The following CFAP44 variants were observed in gnomAD, a reference collection of about 807,000 sequenced individuals.
CFAP44 encodes the protein cilia- and flagella-associated protein 44.
Under a neutral mutation model 216.2 loss-of-function variants are expected in CFAP44, and 134 were observed. That is an observed-to-expected ratio of 0.62 (90% CI 0.54 to 0.72). CFAP44 has a LOEUF of 0.72. Ranked by LOEUF, CFAP44 falls within the 30% of genes least tolerant of loss-of-function variation. The probability of loss-of-function intolerance (pLI) is 0.00; values close to 1 mark genes in which losing one functional copy is unlikely to be tolerated. For missense variants in CFAP44, 2,035 were observed against 2,182.1 expected (o/e 0.93, Z 1.34); for synonymous variants, 700 against 727.6 (o/e 0.96, Z 0.61).
Position 113,363,025 on chromosome 3 carries a change from T to A in CFAP44, c.2934+120A>T, listed in dbSNP as rs889443170. Reference sequence around the variant, plus strand: ...CCCAAAATAAATGGCTATTGAAATTTTGAAAGAAACAAACAAAAAAGAAAG... The same window carrying A: ...CCCAAAATAAATGGCTATTGAAATTATGAAAGAAACAAACAAAAAAGAAAG... On this transcript the variant is annotated intron_variant, in intron 21 of 34. Coordinates refer to ENST00000393845, the MANE Select transcript of CFAP44 (RefSeq NM_001164496.2). 3.5e-5 allele frequency: 48 copies of A among 1,389,016 alleles called. No homozygotes were observed. The African/African-American group carries it at 6.8e-4, about 20-fold the overall frequency. 86.0% of individuals were successfully genotyped at this position (1,389,016 alleles called of 1,614,324 possible). A position where few individuals can be genotyped will look rare whatever the true frequency, so the allele number is the denominator to read the frequency against.
At chr3:113,412,980 A>T (rs1173883447) in intron 6 of CFAP44, among the ~76,000 whole-genome samples, 1 of 152,324 alleles carries the variant, frequency 6.6e-6, no homozygotes, top group East Asian at 1.9e-4. Context: ...ATTAATTTAC[A>T]TTCCCACCAA....
intron 33 of CFAP44, 89 bp from the exon 34 acceptor site, chr3:113,294,910 G>A: frequency 2.9e-6 from 4 of 1,384,470 alleles, no homozygotes; most frequent in Admixed American, 3.1e-5. Context: ...AAAATCATCA[G>A]GCAAATGGAG....
chr3:113,395,601 C>G, intron 15 of CFAP44, 149 bp downstream of exon 15: 2 of 597,958 alleles, frequency 3.3e-6, no homozygotes, highest in Non-Finnish European at 5.7e-6. Context: ...CCAGCAGCAG[C>G]CACCTGAGCT....
chr3:113,415,644 T>C (rs1181321851), intron 6 of CFAP44, among the ~76,000 whole-genome samples: 1 of 152,142 alleles, frequency 6.6e-6, no homozygotes, highest in Non-Finnish European at 1.5e-5. Flanking sequence ...CAGGAGCAGG[T>C]TGTTCAATTT....
intron 28 of CFAP44, among the ~76,000 whole-genome samples, chr3:113,321,930 G>A (rs760687134): frequency 1.3e-5 from 2 of 152,076 alleles, no homozygotes; most frequent in Non-Finnish European, 2.9e-5. Flanking sequence ...TCATTAAAAT[G>A]GCATATCCTC....
chr3:113,434,452 T>C (rs1935188009), intron 1 of CFAP44: 1 of 152,178 alleles, frequency 6.6e-6, no homozygotes, highest in Non-Finnish European at 1.5e-5. Flanking sequence ...CATAAAGTTG[T>C]CTCTAAGCTT....
chr3:113,397,884 C>T (rs954919311), intron 13 of CFAP44, among the ~76,000 whole-genome samples: 2 of 152,008 alleles, frequency 1.3e-5, no homozygotes, highest in African/African-American at 2.4e-5. Context: ...TTTGGAAACA[C>T]GGAGTTCGAG....
intron 32 of CFAP44, 126 bp from the exon 33 acceptor site, chr3:113,297,011 A>AT: frequency 1.7e-6 from 2 of 1,152,598 alleles, no homozygotes; most frequent in South Asian, 1.4e-5. Flanking sequence ...GCCATCAGTG[A>AT]TTTTTCTTCT....
chr3:113,335,723 T>TATCA (rs1338778003), intron 24 of CFAP44, among the ~76,000 whole-genome samples: 2 of 152,158 alleles, frequency 1.3e-5, no homozygotes, highest in South Asian at 4.1e-4. Flanking sequence ...TGAAAAACAT[T>TATCA]ATCAATCCTC....
intron 33 of CFAP44, among the ~76,000 whole-genome samples, 199 bp downstream of exon 33, chr3:113,296,526 C>T (rs572697949): frequency 6.6e-6 from 1 of 152,280 alleles, no homozygotes; most frequent in Non-Finnish European, 1.5e-5. Flanking sequence ...CTGGTGCTCT[C>T]ACTCCAAGAT....
chr3:113,377,944 CCCAG>C (rs1933398228), intron 17 of CFAP44, among the ~76,000 whole-genome samples: 3 of 152,114 alleles, frequency 2.0e-5, no homozygotes. Context: ...AGCCACTGCA[CCCAG>C]CCAAAAATAA....
chr3:113,363,597 G>A, intron 19 of CFAP44, 65 bp from the exon 20 acceptor site: 1 of 1,366,848 alleles, frequency 7.3e-7, no homozygotes, highest in Non-Finnish European at 9.8e-7. Flanking sequence ...AAAATATCTA[G>A]GAAGAAGTAA....
intron 11 of CFAP44, among the ~76,000 whole-genome samples, chr3:113,400,858 C>T (rs529351879): frequency 5.3e-5 from 8 of 151,964 alleles, no homozygotes; most frequent in African/African-American, 7.2e-5. Context: ...TGTGATTTTG[C>T]GCAAGTCACC....
intron 4 of CFAP44, among the ~76,000 whole-genome samples, chr3:113,420,718 C>T (rs1934793308): frequency 6.6e-6 from 1 of 152,040 alleles, no homozygotes; most frequent in Admixed American, 6.6e-5. Flanking sequence ...AGACAAGATG[C>T]TTAAAATTCT....
rs528894302 is a variant in CFAP44 at position 113,409,504 on chromosome 3, G to A, written c.674-182C>T. On this transcript the variant is annotated intron_variant, in intron 6 of 34. Coordinates refer to ENST00000393845, the MANE Select transcript of CFAP44 (RefSeq NM_001164496.2). ...TTAGAATGAATTATGTTATATGAAAGGGGAGGGTAAAGAAGTCTTAATCAC... is the reference window on the plus strand; with the variant it reads ...TTAGAATGAATTATGTTATATGAAAAGGGAGGGTAAAGAAGTCTTAATCAC... Among the ~76,000 whole-genome samples the A allele has an allele frequency of 1.2e-4, 19 of 152,292 alleles. No individual in the cohort carries two copies. The East Asian group carries it at 3.5e-3, about 28-fold the overall frequency.
rs1267999727 is a variant in CFAP44 at position 113,330,198 on chromosome 3, G to A, written c.4086C>T (p.His1362=). ...TGACCAAATACTGTTGCATGTACAC[G>A]TGTTTAATCTCGTCTCTCTTCATAA... The part of the protein sequence containing the change: ...LEIMKRDEIK[H]VYMQQYLVNR... Residue 1362 remains histidine, a synonymous_variant, in exon 26 of 35, where the codon CAC becomes CAT. Coordinates refer to ENST00000393845, the MANE Select transcript of CFAP44 (RefSeq NM_001164496.2). 1.2e-5 allele frequency: 18 copies of A among 1,537,106 alleles called. No homozygotes were observed. The highest frequency in any genetic ancestry group is 2.4e-5 in the East Asian group (1 of 40,936).
chr3:113,353,453 TAC>T (rs34714015), intron 22 of CFAP44, among the ~76,000 whole-genome samples: 10,919 of 141,606 alleles, frequency 0.077, 403 homozygotes, highest in African/African-American at 0.095. Flanking sequence ...TATGTATGAA[TAC>T]ACACACACAC....
chr3:113,420,690 C>T (rs770774084), intron 4 of CFAP44, among the ~76,000 whole-genome samples: 7 of 152,064 alleles, frequency 4.6e-5, no homozygotes, highest in Non-Finnish European at 1.0e-4. Flanking sequence ...TTACGTAGGC[C>T]TTTTCCTTGA....
chr3:113,297,914 C>T (rs545506972), intron 32 of CFAP44, among the ~76,000 whole-genome samples: 32 of 152,314 alleles, frequency 2.1e-4, no homozygotes, highest in African/African-American at 7.7e-4. Flanking sequence ...TAGAATAGTA[C>T]AATTGGCATG....
Sources: gnomAD v4.1 joint callset for allele counts (sites outside exome capture counted in the v4.1 genomes callset) on GRCh38, gnomAD v4.1.1 for gene constraint, MANE v1.5 for transcripts, NCBI Gene and HGNC (gene_info 2026-07-23, HGNC 2026-07-21) for gene names.